The following KCNQ3 variants were observed in gnomAD, a reference collection of about 807,000 sequenced individuals.
KCNQ3 encodes potassium voltage-gated channel subfamily Q member 3.
Under a neutral mutation model 92.5 loss-of-function variants are expected in KCNQ3, and 30 were observed. The ratio of observed to expected loss-of-function variants is 0.32; its 90% CI spans 0.24 to 0.44. KCNQ3 has a LOEUF of 0.44. KCNQ3 is among the 20% of genes least tolerant of loss of function. The pLI, the probability that KCNQ3 is intolerant of heterozygous loss-of-function variation, is 1.00. For synonymous variants in KCNQ3, 450 were observed against 468.8 expected, an observed-to-expected ratio of 0.96 and a Z score of 0.52; for missense variants, 913 against 1,140.3, an observed-to-expected ratio of 0.80 and a Z score of 2.87.
chr8:132,472,087 C>T (rs922657073), intron 1 of KCNQ3, among the ~76,000 whole-genome samples: 9 of 151,984 alleles, frequency 5.9e-5, no homozygotes, highest in African/African-American at 2.2e-4. Flanking sequence ...TTAGAATGGT[C>T]ATTATTAAAA....
chr8:132,457,461 G>C (rs538848409), intron 1 of KCNQ3, among the ~76,000 whole-genome samples: 12 of 152,250 alleles, frequency 7.9e-5, no homozygotes, highest in African/African-American at 2.9e-4. Flanking sequence ...TCCATATAAA[G>C]GGTCCCTGGA....
chr8:132,179,009 A>C (rs1201381208), intron 4 of KCNQ3, among the ~76,000 whole-genome samples: 1 of 145,598 alleles, frequency 6.9e-6, no homozygotes, highest in African/African-American at 2.6e-5. Context: ...GTGCAAAAAG[A>C]TACTCTCTTG....
chr8:132,302,197 C>A (rs1817236196), intron 1 of KCNQ3, among the ~76,000 whole-genome samples: 1 of 152,154 alleles, frequency 6.6e-6, no homozygotes, highest in Admixed American at 6.5e-5. Context: ...GTGAAGGAAT[C>A]CATGGCAATG....
chr8:132,463,013 C>A (rs1194780409), intron 1 of KCNQ3, among the ~76,000 whole-genome samples: 1 of 152,128 alleles, frequency 6.6e-6, no homozygotes, highest in Non-Finnish European at 1.5e-5. Flanking sequence ...TGTTAGCATT[C>A]CGGGAAGACA....
In KCNQ3 at chr8:132,282,469, C is replaced by T. The variant is rs957965796; in HGVS notation, c.387-96288G>A. Among the ~76,000 whole-genome samples, 13 of 152,142 alleles carry T rather than the reference C, an allele frequency of 8.5e-5. 1 individual carries two copies. Among genetic ancestry groups the T allele is most frequent in the South Asian group, 4.1e-4 (2 of 4,830 alleles). On this transcript the variant is annotated intron_variant, in intron 1 of 14. Transcript: ENST00000388996. The stretch of plus-strand genomic sequence containing the variant: ...GGAGACTGAACACAATTTTGATTTT[C>T]GTACACTCTCCAGCATCTCCTAGGC...
chr8:132,135,571 G>A (rs960512006), intron 12 of KCNQ3, among the ~76,000 whole-genome samples: 2 of 152,148 alleles, frequency 1.3e-5, no homozygotes, highest in Admixed American at 6.5e-5. Context: ...ACAAATGCTA[G>A]AAACACATTT....
At chr8:132,278,647 G>A (rs940907312) in intron 1 of KCNQ3, among the ~76,000 whole-genome samples, 2 of 152,218 alleles carry the variant, frequency 1.3e-5, no homozygotes, top group Non-Finnish European at 2.9e-5. Context: ...GTGGCCTGAA[G>A]ACCAGCAGCA....
At chr8:132,479,017 C>T (rs1587058587) in intron 1 of KCNQ3, among the ~76,000 whole-genome samples, 1 of 152,032 alleles carries the variant, frequency 6.6e-6, no homozygotes, top group African/African-American at 2.4e-5. Flanking sequence ...AATTCCCTGC[C>T]AAAACCCTGG....
chr8:132,459,059 C>T (rs1484715810), intron 1 of KCNQ3, among the ~76,000 whole-genome samples: 1 of 152,006 alleles, frequency 6.6e-6, no homozygotes, highest in Non-Finnish European at 1.5e-5. Context: ...TTTTAGATGA[C>T]CTTGATAGTT....
rs72719117 is a variant in KCNQ3, at chr8:132,209,201, C to T, written c.387-23020G>A. 7.2e-3 allele frequency among the ~76,000 whole-genome samples: 1,103 copies of T among 152,236 alleles called. 8 individuals carry two copies. Among genetic ancestry groups the T allele is most frequent in the Non-Finnish European group, 0.012 (834 of 68,020 alleles). ...TCTCTGAGGATAATGGGTGGTCAGA[C>T]TTCCCATTCACTAGCCTCTGCCTGT... On this transcript the variant is annotated intron_variant, in intron 1 of 14. Transcript: ENST00000388996.
chr8:132,453,111 A>G (rs1184536768), intron 1 of KCNQ3, among the ~76,000 whole-genome samples: 1 of 152,144 alleles, frequency 6.6e-6, no homozygotes, highest in Non-Finnish European at 1.5e-5. Flanking sequence ...AAAGGCCCCC[A>G]GGGGAGGCAG....
intron 8 of KCNQ3, among the ~76,000 whole-genome samples, chr8:132,163,799 G>A (rs1826063305): frequency 6.6e-6 from 1 of 152,196 alleles, no homozygotes; most frequent in Admixed American, 6.5e-5. Context: ...TTGAGCTCAG[G>A]AAATTTATTT....
At chr8:132,458,904 TA>T (rs1463324492) in intron 1 of KCNQ3, among the ~76,000 whole-genome samples, 2 of 152,256 alleles carry the variant, frequency 1.3e-5, no homozygotes, top group Admixed American at 6.5e-5. Flanking sequence ...TTTTATTAAC[TA>T]AAGTCCATAC....
chr8:132,356,402 T>C (rs1356184784), intron 1 of KCNQ3, among the ~76,000 whole-genome samples: 3 of 152,196 alleles, frequency 2.0e-5, no homozygotes, highest in Non-Finnish European at 2.9e-5. Flanking sequence ...ATGATGTTTT[T>C]AAGACTACAC....
chr8:132,354,143 C>G (rs1169872567), intron 1 of KCNQ3, among the ~76,000 whole-genome samples: 1 of 152,194 alleles, frequency 6.6e-6, no homozygotes, highest in Non-Finnish European at 1.5e-5. Context: ...GGGCTGACCA[C>G]TCACAGAACC....
chr8:132,397,903 C>T (rs567796496), intron 1 of KCNQ3, among the ~76,000 whole-genome samples: 1 of 152,246 alleles, frequency 6.6e-6, no homozygotes, highest in East Asian at 1.9e-4. Flanking sequence ...GTATATCCAT[C>T]TATACAAAAT....
At chr8:132,141,581 A>G (rs1825299089) in intron 9 of KCNQ3, among the ~76,000 whole-genome samples, 2 of 152,176 alleles carry the variant, frequency 1.3e-5, no homozygotes, top group South Asian at 4.1e-4. Context: ...GATTAAATGT[A>G]GCTTACATGA....
intron 1 of KCNQ3, among the ~76,000 whole-genome samples, chr8:132,287,117 G>C (rs757678860): frequency 6.6e-6 from 1 of 152,182 alleles, no homozygotes; most frequent in Non-Finnish European, 1.5e-5. Flanking sequence ...AAATACTTTA[G>C]ATACAATAAC....
intron 1 of KCNQ3, among the ~76,000 whole-genome samples, chr8:132,187,529 T>G (rs1827008512): frequency 6.6e-6 from 1 of 152,224 alleles, no homozygotes; most frequent in Non-Finnish European, 1.5e-5. Flanking sequence ...CCCCAACTCC[T>G]TCCTGTGTTT....
Sources: allele counts gnomAD v4.1 joint callset (sites outside exome capture counted in the v4.1 genomes callset), GRCh38; gene constraint gnomAD v4.1.1; transcripts MANE v1.5; gene names NCBI Gene and HGNC (gene_info 2026-07-23, HGNC 2026-07-21).